Variants in DHRS4L2 observed in about 807,000 individuals in gnomAD.
DHRS4L2 encodes the protein dehydrogenase/reductase SDR family member 4-like 2.
Under a neutral mutation model 23.9 loss-of-function variants are expected in DHRS4L2, and 22 were observed. The observed-to-expected ratio is 0.92, with a 90% CI of 0.66 to 1.31. The LOEUF (loss-of-function observed/expected upper bound fraction) is 1.31. DHRS4L2 is among the 40% of genes most tolerant of loss of function. The pLI is 0.00. For missense variants in DHRS4L2, 385 were observed against 303.3 expected, an observed-to-expected ratio of 1.27 and a Z score of -2.00; for synonymous variants, 141 against 123.7, an observed-to-expected ratio of 1.14 and a Z score of -0.93.
chr14:23,991,269 A>G (rs1479057518), intron 2 of DHRS4L2, among the ~76,000 whole-genome samples: 3 of 151,776 alleles, frequency 2.0e-5, no homozygotes, highest in African/African-American at 7.3e-5. Flanking sequence ...AGACACTCAA[A>G]TGTGCATTGG....
intron 1 of DHRS4L2, among the ~76,000 whole-genome samples, chr14:23,972,890 G>A (rs10135953): frequency 0.017 from 2,468 of 148,336 alleles, 51 homozygotes; most frequent in African/African-American, 0.053. Flanking sequence ...ATGACTGGAC[G>A]TGCACGTAAG....
chr14:23,981,772 T>G (rs781657765), intron 1 of DHRS4L2, among the ~76,000 whole-genome samples: 1 of 151,622 alleles, frequency 6.6e-6, no homozygotes, highest in Non-Finnish European at 1.5e-5. Context: ...AAGGAATCTG[T>G]GTCACAAATA....
chr14:24,006,194 C>A lies in DHRS4L2; in HGVS notation c.*331C>A, dbSNP rs1223684838. On this transcript the variant is annotated 3_prime_UTR_variant, in exon 8 of 8. Transcript: ENST00000335125. Reference sequence around the variant, plus strand: ...TCGGGATTCCTGCTGTTGTTGTGGCCTTGGGTAAAGGCCTCCCCTGAGAAC... The same window carrying A: ...TCGGGATTCCTGCTGTTGTTGTGGCATTGGGTAAAGGCCTCCCCTGAGAAC... 9 of 1,213,692 alleles carry A rather than the reference C, an allele frequency of 7.4e-6. No homozygotes were observed. The highest frequency in any genetic ancestry group is 1.7e-5 in the South Asian group (1 of 58,920). 75.2% of individuals were successfully genotyped at this position (1,213,692 alleles called of 1,614,324 possible).
chr14:23,977,130 C>T (rs1418945921), intron 1 of DHRS4L2, among the ~76,000 whole-genome samples: 2 of 151,856 alleles, frequency 1.3e-5, no homozygotes, highest in African/African-American at 2.4e-5. Flanking sequence ...CTAGATAGAG[C>T]AATATCTCAC....
chr14:23,976,819 C>A (rs573259491), intron 1 of DHRS4L2, among the ~76,000 whole-genome samples: 1 of 151,874 alleles, frequency 6.6e-6, no homozygotes, highest in African/African-American at 2.4e-5. Flanking sequence ...ATGGATGAAG[C>A]TGGAAATCAT....
intron 1 of DHRS4L2, among the ~76,000 whole-genome samples, chr14:23,971,768 A>C (rs1449624265): frequency 6.6e-6 from 1 of 152,138 alleles, no homozygotes; most frequent in Non-Finnish European, 1.5e-5. Flanking sequence ...CTTTGCAGAC[A>C]AGGAGATGCT....
upstream of DHRS4L2, among the ~76,000 whole-genome samples, chr14:23,984,223 GA>G (rs2034101456): frequency 6.6e-6 from 1 of 151,646 alleles, no homozygotes; most frequent in East Asian, 1.9e-4. Flanking sequence ...AGCTGTATGG[GA>G]AGAAGGTAAA....
upstream of DHRS4L2, among the ~76,000 whole-genome samples, chr14:23,984,805 C>CAAA (rs568852943): frequency 1.8e-3 from 119 of 67,310 alleles, 2 homozygotes; most frequent in East Asian, 6.0e-3. Flanking sequence ...GATGCCATCT[C>CAAA]AAAAAAAAAA....
intron 1 of DHRS4L2, among the ~76,000 whole-genome samples, chr14:23,981,334 C>G (rs1439657720): frequency 6.6e-6 from 1 of 151,666 alleles, no homozygotes; most frequent in Non-Finnish European, 1.5e-5. Flanking sequence ...ACAGTCCATG[C>G]TCATGGATAG....
At chr14:23,982,580 C>T (rs566421755) in intron 1 of DHRS4L2, among the ~76,000 whole-genome samples, 13 of 151,434 alleles carry the variant, frequency 8.6e-5, no homozygotes, top group Non-Finnish European at 1.8e-4. Flanking sequence ...GTAACCAAGA[C>T]AGCATGGTAA....
chr14:24,001,441 G>A lies in DHRS4L2; in HGVS notation c.589G>A (p.Ala197Thr). The A allele has an allele frequency of 6.2e-7, 1 of 1,607,456 alleles. No individual in the cohort carries two copies. Among genetic ancestry groups the A allele is most frequent in the Non-Finnish European group, 8.5e-7 (1 of 1,179,342 alleles). Residue 197 changes from alanine (A) to threonine (T), a missense_variant, in exon 6 of 8, where the codon GCC (alanine) becomes ACC (threonine). Coordinates refer to ENST00000335125, the MANE Select transcript of DHRS4L2 (RefSeq NM_198083.4). ...TALLGLNNTL[A>T]IELAPRNIRV... ...CTTGCTGGGCCTCAACAATACCCTG[G>A]CCATAGAGCTGGCCCCAAGGAACAT... is the stretch of plus-strand genomic sequence containing the variant.
At chr14:24,000,715 T>C (rs1030217988) in intron 3 of DHRS4L2, 148 bp from the exon 4 acceptor site, 1 of 793,792 alleles carries the variant, frequency 1.3e-6, no homozygotes, top group African/African-American at 1.8e-5. Context: ...GAACCTCAGT[T>C]CCTTCATGTG....
At chr14:24,000,749 A>G (rs2034469569) in intron 3 of DHRS4L2, 114 bp from the exon 4 acceptor site, 2 of 891,882 alleles carry the variant, frequency 2.2e-6, no homozygotes, top group South Asian at 3.4e-5. Context: ...TATCATCCTA[A>G]GATCTTCGTC....
chr14:23,969,923 G>A (rs373068733), exon 1 of DHRS4L2: 24,665 of 324,320 alleles, frequency 0.076, 35 homozygotes, highest in East Asian at 0.19. Flanking sequence ...CGCGCTCCAA[G>A]GCCCGGTGGG....
chr14:23,983,907 A>G (rs2034095793), upstream of DHRS4L2, among the ~76,000 whole-genome samples: 1 of 151,614 alleles, frequency 6.6e-6, no homozygotes. Flanking sequence ...GGGAAGGGAT[A>G]GCATTAGGAG....
At chr14:23,990,122 A>G (rs1261781041) in intron 1 of DHRS4L2, 60 bp from the exon 2 acceptor site, 3 of 1,598,136 alleles carry the variant, frequency 1.9e-6, no homozygotes, top group Admixed American at 3.6e-5. Context: ...TTCAGAGCCC[A>G]TGCTGTCGAC....
chr14:23,984,463 G>C (rs958109921), upstream of DHRS4L2, among the ~76,000 whole-genome samples: 1 of 151,486 alleles, frequency 6.6e-6, no homozygotes. Context: ...ACAGACAGTG[G>C]TTGAGGTTGT....
intron 1 of DHRS4L2, among the ~76,000 whole-genome samples, chr14:23,981,609 G>T (rs1204796648): frequency 6.6e-6 from 1 of 151,522 alleles, no homozygotes; most frequent in Non-Finnish European, 1.5e-5. Context: ...GGGCCCAGGG[G>T]ACTGGCACTC....
chr14:23,978,202 C>T (rs2034003258), intron 1 of DHRS4L2, among the ~76,000 whole-genome samples: 1 of 151,218 alleles, frequency 6.6e-6, no homozygotes, highest in Non-Finnish European at 1.5e-5. Context: ...ACCAAACACA[C>T]AAAAATACAT....
Sources: gnomAD v4.1 joint callset for allele counts (sites outside exome capture counted in the v4.1 genomes callset) on GRCh38, gnomAD v4.1.1 for gene constraint, MANE v1.5 for transcripts, NCBI Gene and HGNC (gene_info 2026-07-23, HGNC 2026-07-21) for gene names.